Variants in C10orf71 observed in about 807,000 individuals in gnomAD.
The protein encoded by C10orf71 is chromosome 10 open reading frame 71, also known as cardiac-enriched FHL2-interacting protein.
For missense variants in C10orf71, 1,869 were observed against 1,804.5 expected, an observed-to-expected ratio of 1.04 and a Z score of -0.65; for synonymous variants, 758 against 726.3, an observed-to-expected ratio of 1.04 and a Z score of -0.70.
At chr10:49,320,319 C>A (rs1268217979) in intron 2 of C10orf71, among the ~76,000 whole-genome samples, 1 of 152,112 alleles carries the variant, frequency 6.6e-6, no homozygotes, top group Non-Finnish European at 1.5e-5. Flanking sequence ...GGAGAAATGC[C>A]AGGGACACTG....
At chr10:49,305,867 C>G (rs1474017429) in intron 1 of C10orf71, among the ~76,000 whole-genome samples, 1 of 152,214 alleles carries the variant, frequency 6.6e-6, no homozygotes, top group Non-Finnish European at 1.5e-5. Context: ...TAAGTCATTA[C>G]TGAGTCCTGA....
rs1379276553 is a variant in C10orf71 at position 49,325,177 on chromosome 10, A to C, written c.2632A>C (p.Thr878Pro). The change falls in exon 3 of 3, where the codon ACC becomes CCC. Residue 878 changes from threonine to proline, a missense_variant. By Grantham distance (38) the Thr-to-Pro change is conservative (BLOSUM62 -1). Coordinates refer to ENST00000374144, the MANE Select transcript of C10orf71 (RefSeq NM_001135196.2). ...IKPIMLPLLR[T>P]MSLEDSLSSG... is the part of the protein sequence containing the mutation. Reference sequence around the variant, plus strand: ...ACCTATCATGCTGCCTCTCCTGAGGACCATGTCCTTGGAGGACTCCCTCAG... The same window carrying C: ...ACCTATCATGCTGCCTCTCCTGAGGCCCATGTCCTTGGAGGACTCCCTCAG... 2 of 1,551,978 alleles carry C rather than the reference A, an allele frequency of 1.3e-6. No individual in the cohort carries two copies. Among genetic ancestry groups the C allele is most frequent in the African/African-American group, 2.7e-5 (2 of 73,064 alleles).
chr10:49,319,682 CTATATATATATATA>C (rs60174377), intron 2 of C10orf71, among the ~76,000 whole-genome samples: 3,746 of 117,644 alleles, frequency 0.032, 149 homozygotes, highest in East Asian at 0.14. Flanking sequence ...CACACACAAG[CTATATATATATATA>C]TATATATATA....
rs1325284576 is a variant in C10orf71 at position 49,323,203 on chromosome 10, G to A, written c.658G>A (p.Glu220Lys). The A allele has an allele frequency of 6.2e-7, 1 of 1,613,950 alleles. No individual in the cohort carries two copies. Among genetic ancestry groups the A allele is most frequent in the Non-Finnish European group, 8.5e-7 (1 of 1,179,872 alleles). ...YQPGRKHGEQ[E>K]SSKNPEMACH... is the part of the protein sequence containing the mutation. Reference sequence around the variant, plus strand: ...GCCAGGCAGGAAGCACGGAGAACAGGAGTCCTCCAAGAATCCAGAAATGGC... The same window carrying A: ...GCCAGGCAGGAAGCACGGAGAACAGAAGTCCTCCAAGAATCCAGAAATGGC... Residue 220 changes from glutamate to lysine, a missense_variant, in exon 3 of 3, where the codon GAG becomes AAG. By Grantham distance (56) the Glu-to-Lys change is moderately conservative. Coordinates refer to ENST00000374144, the MANE Select transcript of C10orf71 (RefSeq NM_001135196.2).
chr10:49,311,772 C>T (rs1848918373), intron 1 of C10orf71, among the ~76,000 whole-genome samples: 1 of 152,220 alleles, frequency 6.6e-6, no homozygotes, highest in African/African-American at 2.4e-5. Flanking sequence ...GTCCAGGACA[C>T]ATGGGTCCTG....
intron 1 of C10orf71, among the ~76,000 whole-genome samples, chr10:49,308,317 A>G (rs1308647923): frequency 6.6e-6 from 1 of 152,226 alleles, no homozygotes; most frequent in African/African-American, 2.4e-5. Context: ...CATGGCACCC[A>G]ACCACATCAT....
chr10:49,309,767 T>G (rs1227030624), intron 1 of C10orf71, among the ~76,000 whole-genome samples: 1 of 152,140 alleles, frequency 6.6e-6, no homozygotes, highest in African/African-American at 2.4e-5. Flanking sequence ...GGAGGAGTTG[T>G]CACACTTCAC....
intron 2 of C10orf71, among the ~76,000 whole-genome samples, chr10:49,319,697 T>C (rs202010866): frequency 1.6e-4 from 3 of 18,378 alleles, no homozygotes; most frequent in African/African-American, 3.3e-4. Context: ...TATATATATA[T>C]ATATATATAT....
At chr10:49,320,080 T>C (rs752256863) in intron 2 of C10orf71, among the ~76,000 whole-genome samples, 38 of 152,138 alleles carry the variant, frequency 2.5e-4, no homozygotes, top group Non-Finnish European at 5.0e-4. Context: ...CGAATATATT[T>C]AACACTACTG....
chr10:49,307,697 A>G (rs559305619), intron 1 of C10orf71, among the ~76,000 whole-genome samples: 1 of 152,334 alleles, frequency 6.6e-6, no homozygotes, highest in East Asian at 1.9e-4. Context: ...AGCCAGTGCT[A>G]CAAATCCAGT....
chr10:49,311,963 T>A (rs568345378), intron 1 of C10orf71, among the ~76,000 whole-genome samples: 1 of 152,182 alleles, frequency 6.6e-6, no homozygotes, highest in Admixed American at 6.5e-5. Flanking sequence ...TCATGAGGCA[T>A]GGCATGGAAA....
upstream of C10orf71, among the ~76,000 whole-genome samples, chr10:49,297,360 C>A (rs1848655829): frequency 6.6e-6 from 1 of 152,128 alleles, no homozygotes; most frequent in Non-Finnish European, 1.5e-5. Context: ...AAATTTGTTT[C>A]AATGTGTACT....
chr10:49,309,264 C>T (rs1030149441), intron 1 of C10orf71, among the ~76,000 whole-genome samples: 5 of 152,086 alleles, frequency 3.3e-5, no homozygotes, highest in Non-Finnish European at 7.4e-5. Context: ...GAGATGGGGC[C>T]TATGGGAAGT....
rs970485859 is a variant in C10orf71 at position 49,303,801 on chromosome 10, C to T, written c.-248+4568C>T. Among the ~76,000 whole-genome samples the T allele has an allele frequency of 3.3e-5, 5 of 152,258 alleles. No homozygotes were observed. The East Asian group carries it at 9.6e-4, about 29-fold the overall frequency. The stretch of plus-strand genomic sequence containing the variant: ...CCTTGCCATGAGGAATTCCATGAAG[C>T]AGTTGGGTGCTGGTCAGCTCCTTAC... On this transcript the variant is annotated intron_variant, in intron 1 of 2. Transcript: ENST00000374144.
Position 49,325,952 on chromosome 10 carries a change from C to T in C10orf71, c.3407C>T (p.Thr1136Ile). 6.4e-7 allele frequency: 1 copy of T among 1,551,672 alleles called. No individual in the cohort carries two copies. The highest frequency in any genetic ancestry group is 8.7e-7 in the Non-Finnish European group (1 of 1,146,966). ...LLELSAEDLR[T>I]LSPRGSLLDV... ...GAGCTGTCGGCAGAAGACCTCCGGA[C>T]CCTCTCTCCAAGAGGTTCATTGCTG... Residue 1136 changes from threonine to isoleucine, a missense_variant, in exon 3 of 3, where the codon ACC becomes ATC. Thr to Ile is a moderately conservative substitution (Grantham distance 89). Coordinates refer to ENST00000374144, the MANE Select transcript of C10orf71 (RefSeq NM_001135196.2).
intron 1 of C10orf71, among the ~76,000 whole-genome samples, chr10:49,312,561 G>A (rs545972079): frequency 6.6e-6 from 1 of 152,326 alleles, no homozygotes; most frequent in Admixed American, 6.5e-5. Flanking sequence ...CTGGACGCTG[G>A]CCCTCCAGAA....
intron 2 of C10orf71, among the ~76,000 whole-genome samples, chr10:49,319,051 C>G (rs575980085): frequency 6.6e-6 from 1 of 152,356 alleles, no homozygotes; most frequent in Admixed American, 6.5e-5. Context: ...TGGGAGTTCT[C>G]TGGCAGTGTT....
In C10orf71 at chr10:49,323,151, T is replaced by C. The variant is rs1340559396; in HGVS notation, c.606T>C (p.Val202=). Residue 202 remains valine, a synonymous_variant, in exon 3 of 3, where the codon GTT becomes GTC. Coordinates refer to ENST00000374144, the MANE Select transcript of C10orf71 (RefSeq NM_001135196.2). ...FLTVRRVPAE[V]SNTHQNSYQP... ...CAGTCAGGAGGGTGCCCGCTGAAGT[T>C]TCCAACACCCATCAGAACAGCTACC... 1 of 1,613,832 alleles carries C rather than the reference T, an allele frequency of 6.2e-7. No individual in the cohort carries two copies. Among genetic ancestry groups the C allele is most frequent in the East Asian group, 2.2e-5 (1 of 44,870 alleles).
Position 49,326,482 on chromosome 10 carries a change from C to T in C10orf71, c.3937C>T (p.Pro1313Ser). Residue 1313 changes from proline (P) to serine (S), a missense_variant, in exon 3 of 3, where the codon CCG becomes TCG. Coordinates refer to ENST00000374144, the MANE Select transcript of C10orf71 (RefSeq NM_001135196.2). ...GGGCAAGTATGTCAAGGTCTCCATC[C>T]CGTCCTCCGAGGGGGCCTCCCCAGA... is the stretch of plus-strand genomic sequence containing the variant. Reference protein sequence around the residue: ...ETGKYVKVSIPSSEGASPEPP... With the variant: ...ETGKYVKVSISSSEGASPEPP... 2 of 1,550,234 alleles carry T rather than the reference C, an allele frequency of 1.3e-6. No homozygotes were observed. Among genetic ancestry groups the T allele is most frequent in the Non-Finnish European group, 8.7e-7 (1 of 1,146,704 alleles).
Sources: allele counts gnomAD v4.1 joint callset (sites outside exome capture counted in the v4.1 genomes callset), GRCh38; gene constraint gnomAD v4.1.1; transcripts MANE v1.5; gene names NCBI Gene and HGNC (gene_info 2026-07-23, HGNC 2026-07-21).